Variants in PRICKLE3 observed in about 807,000 individuals in gnomAD.
PRICKLE3 encodes the protein prickle planar cell polarity protein 3.
PRICKLE3 carries 17 observed loss-of-function variants against 33.8 expected under a neutral mutation model. The observed-to-expected ratio is 0.50, with a 90% CI of 0.34 to 0.75. The LOEUF is 0.75. Ranked by LOEUF, PRICKLE3 falls within the 30% of genes least tolerant of loss-of-function variation. PRICKLE3 has a pLI of 0.01. For missense variants in PRICKLE3, 573 were observed against 576.7 expected (o/e 0.99, Z 0.07); for synonymous variants, 211 against 219.6 (o/e 0.96, Z 0.34).
intron 5 of PRICKLE3, 90 bp downstream of exon 5, chrX:49,179,161 C>A: frequency 9.2e-7 from 1 of 1,083,000 alleles, no homozygotes; most frequent in Non-Finnish European, 1.2e-6. Flanking sequence ...AGTGGCAGGC[C>A]TCATCTTCCC....
chrX:49,178,215 G>A, intron 6 of PRICKLE3, 36 bp from the exon 7 acceptor site: 1 of 1,197,871 alleles, frequency 8.3e-7, no homozygotes, highest in East Asian at 3.0e-5. Flanking sequence ...TGTCAGATGA[G>A]CCTGCTCCTG....
chrX:49,178,109 T>C lies in PRICKLE3; in HGVS notation c.839A>G (p.Glu280Gly). The C allele has an allele frequency of 8.4e-7, 1 of 1,184,375 alleles. No homozygotes were observed. The highest frequency in any genetic ancestry group is 1.1e-6 in the Non-Finnish European group (1 of 879,562). Residue 280 changes from glutamate (E) to glycine (G), a missense_variant, in exon 7 of 9, where the codon GAG (glutamate) becomes GGG (glycine). Glu to Gly is a moderately conservative substitution (Grantham distance 98). Transcript: ENST00000599218. ...HWHMDHFCCF[E>G]CEASLGGQRY... The stretch of plus-strand genomic sequence containing the variant: ...CTGCCCTCCTAGTGAAGCTTCACAC[T>C]CAAAGCAGCAGAAGTGATCCATGTG...
chrX:49,177,315 CTGGG>C (rs1481724243), intron 7 of PRICKLE3, 113 bp from the exon 8 acceptor site: 1 of 807,045 alleles, frequency 1.2e-6, no homozygotes, highest in Non-Finnish European at 1.7e-6. Flanking sequence ...CAGGGCACCC[CTGGG>C]TGCCTTCCTC....
At position 49,182,307 on chromosome X, in the gene PRICKLE3, A is replaced by G. The variant is rs782489702; in HGVS notation, c.312+1427T>C. Reference sequence around the variant, plus strand: ...TATAACTCCTTGCACTGCCAGTGCCATCATCATCAGGTTCCTCACTGGTCT... The same window carrying G: ...TATAACTCCTTGCACTGCCAGTGCCGTCATCATCAGGTTCCTCACTGGTCT... On this transcript the variant is annotated intron_variant, in intron 3 of 8. Coordinates refer to ENST00000599218, the MANE Select transcript of PRICKLE3 (RefSeq NM_006150.5). 2.7e-5 allele frequency among the ~76,000 whole-genome samples: 3 copies of G among 111,080 alleles called. No homozygotes were observed. The South Asian group carries it at 1.1e-3, about 42-fold the overall frequency.
intron 7 of PRICKLE3, 31 bp downstream of exon 7, chrX:49,177,962 C>T (rs782716686): frequency 8.8e-7 from 1 of 1,130,732 alleles, no homozygotes; most frequent in Admixed American, 3.0e-5. Flanking sequence ...GTCCATCCAT[C>T]CCTCTGTCCA....
In PRICKLE3 at chrX:49,176,076, G is replaced by C. The variant is rs2065414696; in HGVS notation, c.1445C>G (p.Ser482Cys). 1 of 1,207,848 alleles carries C rather than the reference G, an allele frequency of 8.3e-7. No individual in the cohort carries two copies. Among genetic ancestry groups the C allele is most frequent in the East Asian group, 3.0e-5 (1 of 33,733 alleles). The change falls in exon 9 of 9, where the codon TCT becomes TGT. Residue 482 changes from serine to cysteine, a missense_variant. Coordinates refer to ENST00000599218, the MANE Select transcript of PRICKLE3 (RefSeq NM_006150.5). Reference sequence around the variant, plus strand: ...CAGGGTCCGGCGCGGGCCTCCTTCAGACACCAGAGGGTCGCGGAAGCTGAC... The same window carrying C: ...CAGGGTCCGGCGCGGGCCTCCTTCACACACCAGAGGGTCGCGGAAGCTGAC... ...PRVSFRDPLVSEGGPRRTLSA... is the reference protein window; with the variant it reads ...PRVSFRDPLVCEGGPRRTLSA...
At position 49,174,950 on chromosome X, in the gene PRICKLE3, C is replaced by A; in HGVS notation, c.*723G>T. 2 of 439,436 alleles carry A rather than the reference C, an allele frequency of 4.6e-6. No individual in the cohort carries two copies. Among genetic ancestry groups the A allele is most frequent in the Non-Finnish European group, 8.0e-6 (2 of 249,770 alleles). 36.2% of individuals were successfully genotyped at this position (439,436 alleles called of 1,213,427 possible). On this transcript the variant is annotated 3_prime_UTR_variant, in exon 9 of 9. Transcript: ENST00000599218. Reference sequence around the variant, plus strand: ...CAGTTCTGACTGAACCATGCCCCCACCTAAGTCACAAAATGAGGGAAGTGG... The same window carrying A: ...CAGTTCTGACTGAACCATGCCCCCAACTAAGTCACAAAATGAGGGAAGTGG...
At chrX:49,177,939 C>A (rs1557100361) in intron 7 of PRICKLE3, 54 bp downstream of exon 7, 2 of 1,120,154 alleles carry the variant, frequency 1.8e-6, no homozygotes, top group Non-Finnish European at 2.4e-6. Flanking sequence ...TGGGGTAGGA[C>A]TGTGGCCCAG....
intron 8 of PRICKLE3, 101 bp from the exon 9 acceptor site, chrX:49,176,366 G>A: frequency 3.3e-6 from 2 of 598,302 alleles, no homozygotes; most frequent in East Asian, 3.7e-5. Flanking sequence ...CACTAAGACT[G>A]GGAAAGTGGG....
Position 49,177,126 on chromosome X carries a change from A to G in PRICKLE3, c.1032T>C (p.Cys344=). 8.3e-7 allele frequency: 1 copy of G among 1,198,591 alleles called. No homozygotes were observed. The highest frequency in any genetic ancestry group is 1.7e-5 in the African/African-American group (1 of 57,474). The change falls in exon 8 of 9, where the codon TGT becomes TGC. Residue 344 remains cysteine, a synonymous_variant. Transcript: ENST00000599218. ...ASDRCFCCSR[C]GRALLGRPFL... is the part of the protein sequence containing the mutation. ...ATGGGCGGCCCAGCAGGGCCCGCCC[A>G]CAGCGACTACAGCAGAAGCAGCGGT... is the stretch of plus-strand genomic sequence containing the variant.
At position 49,179,302 on chromosome X, in the gene PRICKLE3, A is replaced by G. The variant is rs370675278; in HGVS notation, c.513T>C (p.Arg171=). 7.4e-6 allele frequency: 9 copies of G among 1,209,401 alleles called. No individual in the cohort carries two copies. The African/African-American group carries it at 1.6e-4, about 21-fold the overall frequency. ...TCACCGGGAAGATGCGCACGATGCC[A>G]CGCCCCAGATTCTCCCGCTTCCGCT... ...SQQRKRENLG[R]GIVRIFPVTI... The change falls in exon 5 of 9, where the codon CGT becomes CGC. Residue 171 remains arginine (R), a synonymous_variant. Coordinates refer to ENST00000599218, the MANE Select transcript of PRICKLE3 (RefSeq NM_006150.5).
chrX:49,177,054 A>G lies in PRICKLE3; in HGVS notation c.1104T>C (p.Leu368=). ...GLIFCSRACS[L]GSEPTAPGPS... is the part of the protein sequence containing the mutation. ...GCCCTGGAGCTGTGGGCTCGGACCC[A>G]AGGCTGCAGGCTCGAGAGCAGAAGA... Residue 368 remains leucine, a synonymous_variant, in exon 8 of 9, where the codon CTT becomes CTC. Transcript: ENST00000599218. The G allele has an allele frequency of 1.7e-6, 2 of 1,208,575 alleles. No homozygotes were observed. Among genetic ancestry groups the G allele is most frequent in the Non-Finnish European group, 2.2e-6 (2 of 893,825 alleles).
chrX:49,183,189 G>A (rs782584235), intron 3 of PRICKLE3, among the ~76,000 whole-genome samples: 13 of 112,135 alleles, frequency 1.2e-4, no homozygotes, highest in Non-Finnish European at 1.9e-4. Context: ...TGTCTCACAT[G>A]CAGTAGGTGC....
intron 3 of PRICKLE3, among the ~76,000 whole-genome samples, chrX:49,182,565 C>T (rs1329808028): frequency 8.9e-6 from 1 of 112,785 alleles, no homozygotes; most frequent in Non-Finnish European, 1.9e-5. Context: ...ATGCCCTTTG[C>T]CTGTGTGAAT....
Position 49,175,130 on chromosome X carries a change from A to G in PRICKLE3, c.*543T>C, listed in dbSNP as rs2065408011. 5.0e-6 allele frequency: 1 copy of G among 199,336 alleles called. No homozygotes were observed. Among genetic ancestry groups the G allele is most frequent in the African/African-American group, 2.9e-5 (1 of 34,282 alleles). The allele number at this position is 199,336 out of a possible 1,213,427, so 16.4% of individuals were successfully genotyped here. A position where few individuals can be genotyped will look rare whatever the true frequency, so the allele number is the denominator to read the frequency against. ...TAATCCTTTCATCAAATGTGGGTAA[A>G]TTTCAAGCATCAGGAGGGGGAAATG... On this transcript the variant is annotated 3_prime_UTR_variant, in exon 9 of 9. Transcript: ENST00000599218.
rs1166288227 is a variant in PRICKLE3, at chrX:49,181,388, G to GTATATA, written c.313-1588_313-1583dup. 3.4e-4 allele frequency among the ~76,000 whole-genome samples: 28 copies of GTATATA among 82,562 alleles called. No individual in the cohort carries two copies. In the Middle Eastern group the frequency reaches 0.019, roughly 57 times the overall value. The allele number at this position is 82,562 out of a possible 115,157, so 71.7% of individuals were successfully genotyped here. ...CCCCCATATATATATATGTGTGTGT[G>GTATATA]TATATATATATATATATATACACGT... On this transcript the variant is annotated intron_variant, in intron 3 of 8. Transcript: ENST00000599218.
chrX:49,178,003 C>T lies in PRICKLE3; in HGVS notation c.945G>A (p.Gly315=). ...ARHAEYCDGC[G]EHIGLDQGQM... ...ACAGCATTCACCCACCGATGTGCTC[C>T]CCACAGCCATCACAGTACTCCGCGT... The change falls in exon 7 of 9, where the codon GGG becomes GGA. Residue 315 remains glycine (G), a synonymous_variant. Transcript: ENST00000599218. The T allele has an allele frequency of 8.7e-7, 1 of 1,145,919 alleles. No homozygotes were observed. The highest frequency in any genetic ancestry group is 3.0e-5 in the East Asian group (1 of 33,245). The allele number at this position is 1,145,919 out of a possible 1,213,427, so 94.4% of individuals were successfully genotyped here. A position where few individuals can be genotyped will look rare whatever the true frequency, so the allele number is the denominator to read the frequency against.
chrX:49,184,743 T>C, intron 1 of PRICKLE3, 33 bp from the exon 2 acceptor site: 2 of 1,162,464 alleles, frequency 1.7e-6, no homozygotes, highest in Non-Finnish European at 2.3e-6. Context: ...CAGGGCCGGG[T>C]GAGGCGCGGA....
At position 49,178,489 on chromosome X, in the gene PRICKLE3, A is replaced by G. The variant is rs781830175; in HGVS notation, c.565-14T>C. 27 of 1,198,127 alleles carry G rather than the reference A, an allele frequency of 2.3e-5. No individual in the cohort carries two copies. Among genetic ancestry groups the G allele is most frequent in the Non-Finnish European group, 2.8e-5 (25 of 884,917 alleles). ...CTGCTTTCCGCACTGCCATGAGACA[A>G]GCACCAAGATGGTTACCATCACTGT... is the stretch of plus-strand genomic sequence containing the variant. On this transcript the variant is annotated splice_polypyrimidine_tract_variant and intron_variant, in intron 5 of 8. Transcript: ENST00000599218.
Sources: gnomAD v4.1 joint callset for allele counts (sites outside exome capture counted in the v4.1 genomes callset) on GRCh38, gnomAD v4.1.1 for gene constraint, MANE v1.5 for transcripts, NCBI Gene and HGNC (gene_info 2026-07-23, HGNC 2026-07-21) for gene names.